Variants in OR51I2 observed in about 807,000 individuals in gnomAD.
The protein encoded by OR51I2 is olfactory receptor 51I2.
OR51I2 carries 6 observed loss-of-function variants against 9.3 expected under a neutral mutation model. That is an observed-to-expected ratio of 0.64 (90% CI 0.35 to 1.27). OR51I2 has a LOEUF of 1.27. Among genes scored for constraint, OR51I2 ranks in the 50% most tolerant of loss-of-function variants. The pLI is 0.03. For missense variants in OR51I2, 489 were observed against 396.4 expected (o/e 1.23, Z -1.98); for synonymous variants, 179 against 143.1 (o/e 1.25, Z -1.79).
chr11:5,451,107 C>G (rs1175366711), intron 1 of OR51I2, among the ~76,000 whole-genome samples: 1 of 152,200 alleles, frequency 6.6e-6, no homozygotes, highest in Non-Finnish European at 1.5e-5. Flanking sequence ...GCTGACATAT[C>G]ACATGCGTTC....
At chr11:5,451,938 A>G (rs1850859561) in intron 1 of OR51I2, among the ~76,000 whole-genome samples, 1 of 152,232 alleles carries the variant, frequency 6.6e-6, no homozygotes, top group Non-Finnish European at 1.5e-5. Context: ...AATAAACAAT[A>G]CAATCACTGT....
intron 1 of OR51I2, among the ~76,000 whole-genome samples, chr11:5,452,504 C>CAAAAAAAAAAAAAAAAAAAAAAAAAAAAA (rs56677841): frequency 1.4e-5 from 1 of 69,188 alleles, no homozygotes; most frequent in Non-Finnish European, 2.6e-5. Flanking sequence ...GACTCTGTCT[C>CAAAAAAAAAAAAAAAAAAAAAAAAAAAAA]AAAAAAAAAA....
rs144988492 is a variant in OR51I2, at chr11:5,454,390, G to A, written c.902G>A (p.Arg301Gln). ...IYSAKTKEIR[R>Q]AIFRMFHHIK... is the part of the protein sequence containing the mutation. ...AGCGCCAAGACAAAGGAAATCCGCC[G>A]AGCCATTTTCCGCATGTTTCACCAC... is the stretch of plus-strand genomic sequence containing the variant. Residue 301 changes from arginine (R) to glutamine (Q), a missense_variant, in exon 2 of 2, where the codon CGA becomes CAA. By Grantham distance (43) the Arg-to-Gln change is conservative. Coordinates refer to ENST00000641930, the MANE Select transcript of OR51I2 (RefSeq NM_001004754.3). The A allele has an allele frequency of 2.7e-5, 44 of 1,610,112 alleles. No homozygotes were observed. The highest frequency in any genetic ancestry group is 1.2e-4 in the South Asian group (11 of 90,916).
chr11:5,452,612 G>T (rs1310813875), intron 1 of OR51I2, among the ~76,000 whole-genome samples: 1 of 130,276 alleles, frequency 7.7e-6, no homozygotes, highest in African/African-American at 2.9e-5. Flanking sequence ...GATATGGAGA[G>T]AGTATGTGAA....
rs549878637 is a variant in OR51I2 at position 5,450,323 on chromosome 11, A to C, written c.-231+959A>C. On this transcript the variant is annotated intron_variant, in intron 1 of 1. Transcript: ENST00000641930. ...AGAATCACCTGAACCTGGGAGACAGAGGTTGCAGTGAGCCAAGATTGCACC... is the reference window on the plus strand; with the variant it reads ...AGAATCACCTGAACCTGGGAGACAGCGGTTGCAGTGAGCCAAGATTGCACC... 5.3e-5 allele frequency among the ~76,000 whole-genome samples: 8 copies of C among 152,306 alleles called. No homozygotes were observed. The Middle Eastern group carries it at 0.014, about 259-fold the overall frequency.
intron 1 of OR51I2, among the ~76,000 whole-genome samples, chr11:5,452,399 G>A (rs544565502): frequency 9.4e-4 from 142 of 151,060 alleles, no homozygotes; most frequent in African/African-American, 3.1e-3. Context: ...CCAACTACTC[G>A]GGAGGCTGAG....
rs953259849 is a variant in OR51I2 at position 5,455,188 on chromosome 11, A to G, written c.*761A>G. On this transcript the variant is annotated 3_prime_UTR_variant, in exon 2 of 2. Coordinates refer to ENST00000641930, the MANE Select transcript of OR51I2 (RefSeq NM_001004754.3). ...ACTCAATCCTTACCAACAGAAAACA[A>G]TGTTCAATATCTGAAATATCTGACT... is the stretch of plus-strand genomic sequence containing the variant. The G allele has an allele frequency of 2.6e-4, 39 of 152,184 alleles. No homozygotes were observed. Among genetic ancestry groups the G allele is most frequent in the Admixed American group, 2.5e-3 (38 of 15,278 alleles). 9.4% of individuals were successfully genotyped at this position (152,184 alleles called of 1,614,324 possible).
intron 1 of OR51I2, among the ~76,000 whole-genome samples, chr11:5,449,746 A>G (rs1187997970): frequency 6.6e-6 from 1 of 152,180 alleles, no homozygotes; most frequent in Non-Finnish European, 1.5e-5. Context: ...AGTGGTCACA[A>G]CCTATCCCAT....
chr11:5,453,637 G>A lies in OR51I2; in HGVS notation c.149G>A (p.Arg50Gln), dbSNP rs148530767. The A allele has an allele frequency of 1.2e-5, 19 of 1,613,576 alleles. No homozygotes were observed. The highest frequency in any genetic ancestry group is 5.3e-5 in the African/African-American group (4 of 74,892). Residue 50 changes from arginine to glutamine, a missense_variant, in exon 2 of 2, where the codon CGA (arginine) becomes CAA (glutamine). Physicochemically the swap from Arg to Gln is conservative, Grantham distance 43 (BLOSUM62 1). Coordinates refer to ENST00000641930, the MANE Select transcript of OR51I2 (RefSeq NM_001004754.3). ...AATACAGTGATCCTGCAGGCTGTGC[G>A]AGTGGAGCCCAGCCTCCATGAGCCC... ...GGNTVILQAV[R>Q]VEPSLHEPMY... is the part of the protein sequence containing the mutation.
At chr11:5,450,780 T>C (rs1448616625) in intron 1 of OR51I2, among the ~76,000 whole-genome samples, 3 of 152,122 alleles carry the variant, frequency 2.0e-5, no homozygotes, top group African/African-American at 7.2e-5. Context: ...GAGAAGAGAG[T>C]CACTGTTCAA....
At position 5,455,431 on chromosome 11, in the gene OR51I2, T is replaced by C. The variant is rs1306294994; in HGVS notation, c.*1004T>C. ...CAGAAAATAATTCTTTCAGACCTTCTCATACGCTTCCCTTGATACCAGAGG... is the reference window on the plus strand; with the variant it reads ...CAGAAAATAATTCTTTCAGACCTTCCCATACGCTTCCCTTGATACCAGAGG... On this transcript the variant is annotated 3_prime_UTR_variant, in exon 2 of 2. Transcript: ENST00000641930. 6.6e-6 allele frequency: 1 copy of C among 151,746 alleles called. No homozygotes were observed. The highest frequency in any genetic ancestry group is 1.5e-5 in the Non-Finnish European group (1 of 67,948). 9.4% of individuals were successfully genotyped at this position (151,746 alleles called of 1,614,324 possible).
At position 5,454,435 on chromosome 11, in the gene OR51I2, A is replaced by T. The variant is rs1850921570; in HGVS notation, c.*8A>T. 1 of 1,592,764 alleles carries T rather than the reference A, an allele frequency of 6.3e-7. No individual in the cohort carries two copies. The highest frequency in any genetic ancestry group is 8.5e-7 in the Non-Finnish European group (1 of 1,173,806). ...CACCACATCAAAATATGACTTTCAC[A>T]CTTGGCTTTAGAATCTGTTATTTTG... On this transcript the variant is annotated 3_prime_UTR_variant, in exon 2 of 2. Coordinates refer to ENST00000641930, the MANE Select transcript of OR51I2 (RefSeq NM_001004754.3).
In OR51I2 at chr11:5,453,989, T is replaced by C; in HGVS notation, c.501T>C (p.Pro167=). ...TTCCCTTTCTTATTAAGAGGCTGCC[T>C]ATCTGCAGATCCAATGTTCTTTCTC... is the stretch of plus-strand genomic sequence containing the variant. ...FPLPFLIKRL[P]ICRSNVLSHS... Residue 167 remains proline (P), a synonymous_variant, in exon 2 of 2, where the codon CCT becomes CCC. Transcript: ENST00000641930. 1 of 1,614,076 alleles carries C rather than the reference T, an allele frequency of 6.2e-7. No homozygotes were observed.
At position 5,453,423 on chromosome 11, in the gene OR51I2, T is replaced by C; in HGVS notation, c.-66T>C. ...TCCTGATTTCTTGTCCTCCAGCAAG[T>C]GCAACTGTTAGAATTCTCCAAGTCA... On this transcript the variant is annotated 5_prime_UTR_variant, in exon 2 of 2. Coordinates refer to ENST00000641930, the MANE Select transcript of OR51I2 (RefSeq NM_001004754.3). 2.5e-6 allele frequency: 3 copies of C among 1,197,366 alleles called. No individual in the cohort carries two copies. Among genetic ancestry groups the C allele is most frequent in the Non-Finnish European group, 3.5e-6 (3 of 864,766 alleles). 74.2% of individuals were successfully genotyped at this position (1,197,366 alleles called of 1,614,324 possible). A position where few individuals can be genotyped will look rare whatever the true frequency, so the allele number is the denominator to read the frequency against.
chr11:5,451,359 T>C (rs983619411), intron 1 of OR51I2, among the ~76,000 whole-genome samples: 1 of 152,246 alleles, frequency 6.6e-6, no homozygotes, highest in African/African-American at 2.4e-5. Context: ...TACATTGGCT[T>C]GGTTCTCTTC....
Position 5,453,912 on chromosome 11 carries a change from G to C in OR51I2, c.424G>C (p.Ala142Pro). 6.2e-7 allele frequency: 1 copy of C among 1,614,204 alleles called. No homozygotes were observed. The highest frequency in any genetic ancestry group is 8.5e-7 in the Non-Finnish European group (1 of 1,180,034). ...AACTGTGCTCACCACTGAAGTCATT[G>C]CTGCAATGGGTTTAGGTGCAGCTGC... is the stretch of plus-strand genomic sequence containing the variant. ...YATVLTTEVI[A>P]AMGLGAAARS... The change falls in exon 2 of 2, where the codon GCT becomes CCT. Residue 142 changes from alanine (A) to proline (P), a missense_variant. Coordinates refer to ENST00000641930, the MANE Select transcript of OR51I2 (RefSeq NM_001004754.3).
chr11:5,455,373 A>T lies in OR51I2; in HGVS notation c.*946A>T, dbSNP rs1850935860. The T allele has an allele frequency of 6.6e-6, 1 of 151,178 alleles. No individual in the cohort carries two copies. The highest frequency in any genetic ancestry group is 1.5e-5 in the Non-Finnish European group (1 of 67,842). 9.4% of individuals were successfully genotyped at this position (151,178 alleles called of 1,614,324 possible). On this transcript the variant is annotated 3_prime_UTR_variant, in exon 2 of 2. Coordinates refer to ENST00000641930, the MANE Select transcript of OR51I2 (RefSeq NM_001004754.3). Reference sequence around the variant, plus strand: ...CAGTTGCAAAAAAAAAAAGCCTAGGATAGACAGACTAGAGCACTTATGGTT... The same window carrying T: ...CAGTTGCAAAAAAAAAAAGCCTAGGTTAGACAGACTAGAGCACTTATGGTT...
At chr11:5,451,198 A>G (rs868030516) in intron 1 of OR51I2, among the ~76,000 whole-genome samples, 50 of 152,240 alleles carry the variant, frequency 3.3e-4, no homozygotes, top group African/African-American at 1.2e-3. Flanking sequence ...TCCCCAAGGT[A>G]AGGGAAGGGA....
chr11:5,450,186 C>T (rs951514421), intron 1 of OR51I2, among the ~76,000 whole-genome samples: 21 of 151,552 alleles, frequency 1.4e-4, no homozygotes, highest in Admixed American at 4.6e-4. Flanking sequence ...GTCAGGTGTT[C>T]GAGACCAGCC....
Sources: allele counts gnomAD v4.1 joint callset (sites outside exome capture counted in the v4.1 genomes callset), GRCh38; gene constraint gnomAD v4.1.1; transcripts MANE v1.5; gene names NCBI Gene and HGNC (gene_info 2026-07-23, HGNC 2026-07-21).